The following ADGRL3 variants were observed in gnomAD, a reference collection of about 807,000 sequenced individuals.
ADGRL3 encodes the protein adhesion G protein-coupled receptor L3.
Under a neutral mutation model 153.5 loss-of-function variants are expected in ADGRL3, and 62 were observed. That is an observed-to-expected ratio of 0.40 (90% CI 0.33 to 0.50). The LOEUF is 0.50. Ranked by LOEUF, ADGRL3 falls within the 20% of genes least tolerant of loss-of-function variation. The pLI, the probability that ADGRL3 is intolerant of heterozygous loss-of-function variation, is 0.47. For missense variants in ADGRL3, 1,641 were observed against 1,859.4 expected (o/e 0.88, Z 2.16); for synonymous variants, 710 against 672.5 (o/e 1.06, Z -0.86).
At chr4:61,456,375 CTATATA>C (rs558941032) in intron 2 of ADGRL3, among the ~76,000 whole-genome samples, 1 of 110,178 alleles carries the variant, frequency 9.1e-6, no homozygotes, top group African/African-American at 3.7e-5. Flanking sequence ...ATAGATATAT[CTATATA>C]TATATATAGA....
intron 17 of ADGRL3, among the ~76,000 whole-genome samples, chr4:61,961,809 G>A (rs556366317): frequency 2.0e-3 from 309 of 152,170 alleles, no homozygotes; most frequent in Non-Finnish European, 3.1e-3. Context: ...TAGAAAGAGA[G>A]CAGCTAAAAT....
At chr4:61,558,959 T>A (rs1226614780) in intron 4 of ADGRL3, among the ~76,000 whole-genome samples, 1 of 152,058 alleles carries the variant, frequency 6.6e-6, no homozygotes. Context: ...AAATAGGGGA[T>A]CATAATACTT....
intron 1 of ADGRL3, among the ~76,000 whole-genome samples, chr4:61,272,563 C>A (rs900028821): frequency 6.6e-6 from 1 of 151,830 alleles, no homozygotes; most frequent in Non-Finnish European, 1.5e-5. Flanking sequence ...ATTAGAAATG[C>A]CCTATTCTAA....
chr4:62,021,271 A>G (rs1033092775), intron 21 of ADGRL3, among the ~76,000 whole-genome samples: 2 of 152,176 alleles, frequency 1.3e-5, no homozygotes, highest in African/African-American at 4.8e-5. Flanking sequence ...CTTGATACAC[A>G]CAATGGTCCT....
At chr4:61,969,102 T>C (rs1194378788) in intron 17 of ADGRL3, among the ~76,000 whole-genome samples, 1 of 152,162 alleles carries the variant, frequency 6.6e-6, no homozygotes, top group African/African-American at 2.4e-5. Flanking sequence ...GCGGTCAGCA[T>C]ATTGGTCCTC....
At chr4:62,066,242 T>A (rs1742933577) in intron 25 of ADGRL3, among the ~76,000 whole-genome samples, 1 of 152,112 alleles carries the variant, frequency 6.6e-6, no homozygotes, top group Non-Finnish European at 1.5e-5. Flanking sequence ...AAATCTTACA[T>A]GAAATATAGG....
At chr4:61,986,516 G>A (rs938140551) in intron 19 of ADGRL3, among the ~76,000 whole-genome samples, 11 of 152,076 alleles carry the variant, frequency 7.2e-5, no homozygotes, top group Non-Finnish European at 1.2e-4. Context: ...TTCCTGCACC[G>A]TAACTGGAAG....
intron 17 of ADGRL3, among the ~76,000 whole-genome samples, chr4:61,958,080 GA>G (rs2098974239): frequency 6.6e-6 from 1 of 152,064 alleles, no homozygotes; most frequent in Admixed American, 6.6e-5. Context: ...ACATATTTCT[GA>G]AATACTTTGT....
At chr4:61,490,908 G>T (rs535408598) in intron 2 of ADGRL3, among the ~76,000 whole-genome samples, 62 of 152,250 alleles carry the variant, frequency 4.1e-4, no homozygotes, top group African/African-American at 1.5e-3. Context: ...CCTTAAAGGA[G>T]AAGCATATGT....
chr4:61,537,076 G>C (rs1309107141), intron 4 of ADGRL3, among the ~76,000 whole-genome samples: 2 of 151,700 alleles, frequency 1.3e-5, no homozygotes, highest in African/African-American at 4.8e-5. Flanking sequence ...AATGTGTCTA[G>C]TCGTGAAGAA....
intron 1 of ADGRL3, among the ~76,000 whole-genome samples, chr4:61,286,834 TC>T (rs2093959300): frequency 6.6e-6 from 1 of 151,816 alleles, no homozygotes. Flanking sequence ...GAATCATCTT[TC>T]TTTAATAATT....
intron 11 of ADGRL3, among the ~76,000 whole-genome samples, chr4:61,897,353 A>G (rs1485229120): frequency 6.6e-6 from 1 of 152,228 alleles, no homozygotes; most frequent in Non-Finnish European, 1.5e-5. Context: ...AAGTGTAACA[A>G]GAGGCTTTTG....
At chr4:61,756,035 G>A (rs910322341) in intron 8 of ADGRL3, among the ~76,000 whole-genome samples, 5 of 152,148 alleles carry the variant, frequency 3.3e-5, no homozygotes, top group African/African-American at 1.2e-4. Flanking sequence ...TTGTAGTATA[G>A]TTTGAAGTCA....
At chr4:61,258,492 T>C (rs2092211900) in intron 1 of ADGRL3, among the ~76,000 whole-genome samples, 1 of 152,158 alleles carries the variant, frequency 6.6e-6, no homozygotes, top group Non-Finnish European at 1.5e-5. Context: ...ATTCTTTCCT[T>C]TGTAGAAGGG....
At chr4:62,022,043 G>A (rs2099240688) in intron 21 of ADGRL3, among the ~76,000 whole-genome samples, 1 of 152,192 alleles carries the variant, frequency 6.6e-6, no homozygotes, top group Admixed American at 6.5e-5. Flanking sequence ...AGCTGAGATA[G>A]GCTGAAAGCC....
At chr4:61,747,392 G>A (rs1202744048) in intron 8 of ADGRL3, among the ~76,000 whole-genome samples, 1 of 152,058 alleles carries the variant, frequency 6.6e-6, no homozygotes, top group Non-Finnish European at 1.5e-5. Context: ...AAGCCTGGCA[G>A]AGACACAACC....
At chr4:61,902,224 A>C (rs963275007) in intron 11 of ADGRL3, among the ~76,000 whole-genome samples, 1 of 152,156 alleles carries the variant, frequency 6.6e-6, no homozygotes, top group Non-Finnish European at 1.5e-5. Flanking sequence ...AAATCAGTTA[A>C]TGGTACCACC....
intron 5 of ADGRL3, among the ~76,000 whole-genome samples, chr4:61,641,135 T>A (rs993892474): frequency 1.3e-5 from 2 of 152,140 alleles, no homozygotes; most frequent in African/African-American, 4.8e-5. Context: ...CCTATTTTTT[T>A]AATTTAAAAA....
rs183201942 is a variant in ADGRL3 at position 61,907,752 on chromosome 4, A to G, written c.1888-1808A>G. Among the ~76,000 whole-genome samples, 491 of 152,222 alleles carry G rather than the reference A, an allele frequency of 3.2e-3. 4 individuals carry two copies. Among genetic ancestry groups the G allele is most frequent in the South Asian group, 0.029 (140 of 4,820 alleles). ...TAATTGCTATATTTTGCAAAAATTG[A>G]TATTATTATCTTTAAAGAAAAATTA... is the stretch of plus-strand genomic sequence containing the variant. On this transcript the variant is annotated intron_variant, in intron 11 of 26. Transcript: ENST00000683033.
Sources: gnomAD v4.1 joint callset for allele counts (sites outside exome capture counted in the v4.1 genomes callset) on GRCh38, gnomAD v4.1.1 for gene constraint, MANE v1.5 for transcripts, NCBI Gene and HGNC (gene_info 2026-07-23, HGNC 2026-07-21) for gene names.